ARMCX4: variants seen among roughly 807,000 people sequenced by gnomAD.
The protein encoded by ARMCX4 is armadillo repeat-containing X-linked protein 4.
A neutral mutation model predicts 34.7 loss-of-function variants in ARMCX4; 3 were observed. That is an observed-to-expected ratio of 0.09 (90% CI 0.04 to 0.22). The LOEUF is 0.22. ARMCX4 is among the 10% of genes least tolerant of loss of function. The probability of loss-of-function intolerance (pLI) is 1.00; values close to 1 mark genes in which losing one functional copy is unlikely to be tolerated. For synonymous variants in ARMCX4, 513 were observed against 632.8 expected (o/e 0.81, Z 2.84); for missense variants, 1,448 against 1,720.8 (o/e 0.84, Z 2.81).
intron 11 of ARMCX4, among the ~76,000 whole-genome samples, chrX:101,525,693 A>T (rs782409965): frequency 9.0e-6 from 1 of 111,421 alleles, no homozygotes; most frequent in South Asian, 3.8e-4. Flanking sequence ...TCAGTAGCCG[A>T]TTCAATCAAG....
intron 2 of ARMCX4, among the ~76,000 whole-genome samples, chrX:101,433,259 T>C (rs1555993091): frequency 1.0e-5 from 1 of 99,239 alleles, no homozygotes; most frequent in African/African-American, 3.6e-5. Context: ...CACACATATA[T>C]ACATATATGT....
Position 101,493,268 on chromosome X carries a change from C to T in ARMCX4, c.4679C>T (p.Thr1560Ile). The T allele has an allele frequency of 8.7e-7, 1 of 1,155,279 alleles. No homozygotes were observed. Among genetic ancestry groups the T allele is most frequent in the East Asian group, 3.3e-5 (1 of 30,740 alleles). The change falls in exon 6 of 6, where the codon ACT becomes ATT. Residue 1560 changes from threonine to isoleucine, a missense_variant. Coordinates refer to ENST00000423738, the MANE Select transcript of ARMCX4 (RefSeq NM_001256155.3). ...PGSQVSGSCW[T>I]GAGAVDQAGG... ...AGTCAGGTCAGTGGAAGCTGCTGGA[C>T]TGGGGCTGGGGCTGTGGATCAGGCT... is the stretch of plus-strand genomic sequence containing the variant.
At chrX:101,434,647 T>A (rs186274837) in intron 2 of ARMCX4, among the ~76,000 whole-genome samples, 13 of 110,848 alleles carry the variant, frequency 1.2e-4, no homozygotes, top group African/African-American at 1.6e-4. Flanking sequence ...TTATTTATTT[T>A]TTATTATACT....
chrX:101,440,413 T>C (rs1271627838), intron 2 of ARMCX4, among the ~76,000 whole-genome samples: 3 of 112,178 alleles, frequency 2.7e-5, no homozygotes, highest in African/African-American at 9.7e-5. Flanking sequence ...CCAGTTAGGC[T>C]ACTCGGGGAC....
intron 11 of ARMCX4, among the ~76,000 whole-genome samples, chrX:101,524,885 A>G (rs1556020053): frequency 8.9e-6 from 1 of 112,025 alleles, no homozygotes; most frequent in African/African-American, 3.2e-5. Flanking sequence ...GCCTAACAAA[A>G]GGCAGCAGAA....
chrX:101,489,659 G>A lies in ARMCX4; in HGVS notation c.1070G>A (p.Arg357Lys). Residue 357 changes from arginine to lysine, a missense_variant, in exon 6 of 6, where the codon AGA becomes AAA. Physicochemically the swap from Arg to Lys is conservative, Grantham distance 26. Transcript: ENST00000423738. Reference sequence around the variant, plus strand: ...AAGGTGGGGGCAGGGGCAGATGTGAGAGCTTGTATACAACCTCAGACTGTG... The same window carrying A: ...AAGGTGGGGGCAGGGGCAGATGTGAAAGCTTGTATACAACCTCAGACTGTG... ...MCKVGAGADV[R>K]ACIQPQTVAK... The A allele has an allele frequency of 8.7e-7, 1 of 1,155,108 alleles. No individual in the cohort carries two copies. The highest frequency in any genetic ancestry group is 2.3e-4 in the Middle Eastern group (1 of 4,290).
chrX:101,477,084 A>C (rs1216245601), intron 4 of ARMCX4, among the ~76,000 whole-genome samples: 3 of 111,453 alleles, frequency 2.7e-5, no homozygotes, highest in African/African-American at 9.8e-5. Context: ...TATTAATAAA[A>C]TACAACTAAT....
At chrX:101,487,533 T>C (rs1001187898) in intron 3 of ARMCX4, 75 bp from the exon 4 acceptor site, 14 of 443,279 alleles carry the variant, frequency 3.2e-5, no homozygotes, top group Admixed American at 6.9e-5. Flanking sequence ...GACATTGGGG[T>C]CAGGGATCAG....
chrX:101,420,161 G>A (rs1358905806), intron 2 of ARMCX4, among the ~76,000 whole-genome samples: 5 of 111,411 alleles, frequency 4.5e-5, no homozygotes, highest in African/African-American at 1.3e-4. Context: ...AGTTCGAGAC[G>A]AGCCTGGCCA....
chrX:101,504,316 C>G (rs1453674677), intron 7 of ARMCX4, among the ~76,000 whole-genome samples: 1 of 111,462 alleles, frequency 9.0e-6, no homozygotes, highest in Non-Finnish European at 1.9e-5. Context: ...TTTCCCAATT[C>G]TGTGAAGAAA....
rs1933776005 is a variant in ARMCX4 at position 101,487,240 on chromosome X, G to A, written c.-319G>A. ...GGGCTGTTTACCATTGGAAGCAAGGGAAAGAGGAGGAGATCAATCTAGAAG... is the reference window on the plus strand; with the variant it reads ...GGGCTGTTTACCATTGGAAGCAAGGAAAAGAGGAGGAGATCAATCTAGAAG... On this transcript the variant is annotated 5_prime_UTR_variant, in exon 3 of 6. Transcript: ENST00000423738. 8.1e-6 allele frequency: 1 copy of A among 123,344 alleles called. No individual in the cohort carries two copies. The highest frequency in any genetic ancestry group is 1.6e-5 in the Non-Finnish European group (1 of 61,182). The allele number at this position is 123,344 out of a possible 1,213,427, so 10.2% of individuals were successfully genotyped here.
rs781933538 is a variant in ARMCX4 at position 101,439,582 on chromosome X, G to C, written n.165-4470G>C. Among the ~76,000 whole-genome samples, 15 of 112,004 alleles carry C rather than the reference G, an allele frequency of 1.3e-4. No individual in the cohort carries two copies. In the South Asian group the frequency reaches 5.2e-3, roughly 39 times the overall value. On this transcript the variant is annotated intron_variant and non_coding_transcript_variant, in intron 2 of 3. Transcript: ENST00000430461. ...TATCCTGCAGAATGTTTTCCAACTTGGTTCCATTCTCCCCGTCACTTTCAG... is the reference window on the plus strand; with the variant it reads ...TATCCTGCAGAATGTTTTCCAACTTCGTTCCATTCTCCCCGTCACTTTCAG...
chrX:101,514,957 T>C (rs908885671), intron 11 of ARMCX4, among the ~76,000 whole-genome samples: 4 of 111,766 alleles, frequency 3.6e-5, no homozygotes, highest in Non-Finnish European at 7.5e-5. Context: ...ACTTTCAGAA[T>C]CCAATTCCCT....
chrX:101,476,591 A>C (rs1034705265), intron 4 of ARMCX4, among the ~76,000 whole-genome samples: 1 of 111,330 alleles, frequency 9.0e-6, no homozygotes, highest in Non-Finnish European at 1.9e-5. Context: ...TAAGAAAAAA[A>C]AGCATCTTCT....
At chrX:101,519,391 T>A (rs1292409355) in intron 11 of ARMCX4, among the ~76,000 whole-genome samples, 2 of 111,622 alleles carry the variant, frequency 1.8e-5, no homozygotes, top group African/African-American at 6.5e-5. Context: ...CTATTTTAGA[T>A]ACCTCATATA....
rs782765672 is a variant in ARMCX4, at chrX:101,431,840, G to C, written n.165-12212G>C. The stretch of plus-strand genomic sequence containing the variant: ...TTATAGGCGTGAGCCACCACGCCTG[G>C]CCTGCACCATGTTTCTTAAAGGCAT... On this transcript the variant is annotated intron_variant and non_coding_transcript_variant, in intron 2 of 3. Coordinates refer to the ARMCX4 transcript ENST00000430461. 1.9e-3 allele frequency among the ~76,000 whole-genome samples: 218 copies of C among 112,546 alleles called. 1 individual carries two copies. Among genetic ancestry groups the C allele is most frequent in the African/African-American group, 6.6e-3 (204 of 31,050 alleles).
chrX:101,449,200 C>G (rs1408372917), downstream of ARMCX4, among the ~76,000 whole-genome samples: 1 of 112,407 alleles, frequency 8.9e-6, no homozygotes, highest in African/African-American at 3.2e-5. Context: ...GCCACCTCGC[C>G]TGGGTCAAAT....
intron 11 of ARMCX4, among the ~76,000 whole-genome samples, chrX:101,531,312 C>G (rs782598195): frequency 8.9e-6 from 1 of 112,016 alleles, no homozygotes; most frequent in South Asian, 3.8e-4. Flanking sequence ...GTAACATATT[C>G]ACAGGTTCCA....
exon 8 of ARMCX4, chrX:101,505,205 G>C (rs1255434389): frequency 9.1e-6 from 1 of 110,049 alleles, no homozygotes; most frequent in Non-Finnish European, 1.9e-5. Context: ...ACTGTGAGGA[G>C]GTTGGTTGTT....
Sources: gnomAD v4.1 joint callset for allele counts (sites outside exome capture counted in the v4.1 genomes callset) on GRCh38, gnomAD v4.1.1 for gene constraint, MANE v1.5 for transcripts, NCBI Gene and HGNC (gene_info 2026-07-23, HGNC 2026-07-21) for gene names.